Variants in DENND1A observed in about 807,000 individuals in gnomAD.
DENND1A encodes the protein DENN domain-containing protein 1A.
Under a neutral mutation model 113.7 loss-of-function variants are expected in DENND1A, and 51 were observed. The ratio of observed to expected loss-of-function variants is 0.45; its 90% confidence interval spans 0.36 to 0.57. The LOEUF (loss-of-function observed/expected upper bound fraction) is 0.57, where lower values mean the gene tolerates loss of function less well. Among genes scored for constraint, DENND1A ranks in the 20% least tolerant of loss-of-function variants. The probability of loss-of-function intolerance (pLI) is 0.00; values close to 1 mark genes in which losing one functional copy is unlikely to be tolerated. For missense variants in DENND1A, 1,258 were observed against 1,395.9 expected (o/e 0.90, Z 1.57); for synonymous variants, 565 against 570.8 (o/e 0.99, Z 0.14).
At chr9:123,386,884 C>CAGGGAGAGGGTGCAGGGGACATG (rs2042593457) in intron 22 of DENND1A, among the ~76,000 whole-genome samples, 1 of 152,174 alleles carries the variant, frequency 6.6e-6, no homozygotes, top group African/African-American at 2.4e-5. Context: ...GGTTTGGGAA[C>CAGGGAGAGGGTGCAGGGGACATG]AGGGAGAGGG....
In DENND1A at chr9:123,593,616, T is replaced by C. The variant is rs2059558350; in HGVS notation, c.766-10346A>G. On this transcript the variant is annotated intron_variant, in intron 11 of 23. Coordinates refer to ENST00000394215, the MANE Select transcript of DENND1A (RefSeq NM_001352964.2). ...TGATGTGGCTCCTGACATTATACTA[T>C]ATGTCCCCTGTAAGTATGACTTCTT... Among the ~76,000 whole-genome samples, 3 of 152,352 alleles carry C rather than the reference T, an allele frequency of 2.0e-5. No homozygotes were observed. The Middle Eastern group carries it at 0.01, about 518-fold the overall frequency.
chr9:123,403,461 C>G lies in DENND1A; in HGVS notation c.1572G>C (p.Lys524Asn), dbSNP rs1344879141. ...CCACTGCGATGTTGCTCTTTGGTCT[C>G]TTAACAACATGTGGACGAGGTGGGC... is the stretch of plus-strand genomic sequence containing the variant. ...PVRPPRPHVV[K>N]RPKSNIAVEG... Residue 524 changes from lysine (K) to asparagine (N), a missense_variant, in exon 21 of 24, where the codon AAG becomes AAC. Lys to Asn is a moderately conservative substitution (Grantham distance 94). Around this residue, in one of 2 missense-constraint regions of DENND1A, gnomAD observed 1,159 missense variants for 1,231.7 expected, o/e 0.94. Transcript: ENST00000394215. 6.2e-7 allele frequency: 1 copy of G among 1,614,184 alleles called. No homozygotes were observed. Among genetic ancestry groups the G allele is most frequent in the East Asian group, 2.2e-5 (1 of 44,884 alleles).
At chr9:123,627,771 GAGCGAGTGAGAGAGAGAGAGAGAGCA>G in intron 10 of DENND1A, among the ~76,000 whole-genome samples, 1 of 148,558 alleles carries the variant, frequency 6.7e-6, no homozygotes, top group Middle Eastern at 3.4e-3. Flanking sequence ...GAGAGAGAGC[GAGCGAGTGAGAGAGAGAGAGAGAGCA>G]AGCTCACAAA....
At chr9:123,796,756 T>TACACACACACACACACACAC (rs370185315) in intron 2 of DENND1A, among the ~76,000 whole-genome samples, 57 of 141,596 alleles carry the variant, frequency 4.0e-4, no homozygotes, top group African/African-American at 1.2e-3. Flanking sequence ...TATGTGTACA[T>TACACACACACACACACACAC]ACACACACAC....
intron 1 of DENND1A, among the ~76,000 whole-genome samples, chr9:123,881,185 T>C (rs1299788092): frequency 6.6e-6 from 1 of 152,140 alleles, no homozygotes; most frequent in African/African-American, 2.4e-5. Flanking sequence ...CTTAAAAAAA[T>C]TAAGTAAACT....
At chr9:123,892,113 T>C (rs954291690) in intron 1 of DENND1A, among the ~76,000 whole-genome samples, 3 of 152,106 alleles carry the variant, frequency 2.0e-5, no homozygotes, top group South Asian at 2.1e-4. Flanking sequence ...CTCAAGTATA[T>C]AGCTAAGTAC....
At chr9:123,511,611 T>C (rs1318105807) in intron 13 of DENND1A, among the ~76,000 whole-genome samples, 1 of 152,244 alleles carries the variant, frequency 6.6e-6, no homozygotes, top group Non-Finnish European at 1.5e-5. Flanking sequence ...TGGACACTTA[T>C]GAGCTCTGAA....
chr9:123,530,934 T>C (rs1006046972), intron 13 of DENND1A, among the ~76,000 whole-genome samples: 8 of 152,206 alleles, frequency 5.3e-5, no homozygotes, highest in African/African-American at 1.9e-4. Context: ...TCTTTCCAAA[T>C]TTCTTATTGT....
At chr9:123,925,195 G>T (rs563226930) in intron 1 of DENND1A, among the ~76,000 whole-genome samples, 30 of 152,204 alleles carry the variant, frequency 2.0e-4, no homozygotes, top group Admixed American at 1.4e-3. Context: ...GCATTTAAGT[G>T]CCAGGAATAA....
At chr9:123,653,382 T>TA (rs2062762198) in intron 8 of DENND1A, among the ~76,000 whole-genome samples, 1 of 152,160 alleles carries the variant, frequency 6.6e-6, no homozygotes, top group African/African-American at 2.4e-5. Flanking sequence ...CTTTCCAATA[T>TA]AAAGTCTGGG....
chr9:123,902,767 C>A (rs1439796418), intron 1 of DENND1A, among the ~76,000 whole-genome samples: 1 of 146,768 alleles, frequency 6.8e-6, no homozygotes, highest in East Asian at 2.0e-4. Flanking sequence ...GAACAAAAAG[C>A]TGCAAGGAAG....
At chr9:123,547,678 G>T (rs2056790817) in intron 13 of DENND1A, among the ~76,000 whole-genome samples, 2 of 152,098 alleles carry the variant, frequency 1.3e-5, no homozygotes, top group East Asian at 1.9e-4. Flanking sequence ...TTAAATATGT[G>T]ATTTATTTCA....
At chr9:123,781,487 G>A (rs184578286) in intron 3 of DENND1A, among the ~76,000 whole-genome samples, 1 of 152,290 alleles carries the variant, frequency 6.6e-6, no homozygotes, top group East Asian at 1.9e-4. Context: ...ATTCTGGGAT[G>A]TAGATACAAT....
At chr9:123,639,793 A>C (rs956796070) in intron 9 of DENND1A, among the ~76,000 whole-genome samples, 6 of 150,062 alleles carry the variant, frequency 4.0e-5, no homozygotes, top group East Asian at 1.9e-4. Context: ...AAAAAAAAAA[A>C]AAAACAAAAA....
intron 1 of DENND1A, among the ~76,000 whole-genome samples, chr9:123,917,804 A>G: frequency 6.6e-6 from 1 of 152,182 alleles, no homozygotes; most frequent in Non-Finnish European, 1.5e-5. Flanking sequence ...AAGGCAAGGG[A>G]GCTATTAGAA....
chr9:123,782,347 T>C (rs1831448552), intron 3 of DENND1A, among the ~76,000 whole-genome samples: 2 of 152,208 alleles, frequency 1.3e-5, no homozygotes, highest in Admixed American at 6.5e-5. Flanking sequence ...CACTCAAATA[T>C]GAGAATCATA....
chr9:123,488,723 C>T (rs1348924395), intron 13 of DENND1A, among the ~76,000 whole-genome samples: 10 of 152,136 alleles, frequency 6.6e-5, no homozygotes, highest in South Asian at 2.1e-4. Flanking sequence ...AGCATTAAAG[C>T]GAGACGTTAA....
chr9:123,382,435 T>G lies in DENND1A; in HGVS notation c.2210A>C (p.Asn737Thr). The change falls in exon 24 of 24, where the codon AAC (asparagine) becomes ACC (threonine). Residue 737 changes from asparagine (N) to threonine (T), a missense_variant. Transcript: ENST00000394215. ...ACTGGGGTTCAGGATGCTGTCCCGG[T>G]TCTGGGGCCTTCGAGGCAGGGCCAG... ...NSLALPRRPQ[N>T]RDSILNPSDK... 6.2e-7 allele frequency: 1 copy of G among 1,610,440 alleles called. No homozygotes were observed. Among genetic ancestry groups the G allele is most frequent in the Non-Finnish European group, 8.5e-7 (1 of 1,178,306 alleles).
At chr9:123,505,587 C>G (rs1191256453) in intron 13 of DENND1A, among the ~76,000 whole-genome samples, 12 of 152,160 alleles carry the variant, frequency 7.9e-5, no homozygotes, top group Admixed American at 7.9e-4. Context: ...CAATATGTTC[C>G]TCTCTGTCAG....
Sources: gnomAD v4.1 joint callset for allele counts (sites outside exome capture counted in the v4.1 genomes callset) on GRCh38, gnomAD v4.1.1 for gene constraint, gnomAD v4.1.1 regional missense constraint, MANE v1.5 for transcripts, NCBI Gene and HGNC (gene_info 2026-07-23, HGNC 2026-07-21) for gene names.